LRRC63: variants seen among roughly 807,000 people sequenced by gnomAD.
LRRC63 encodes leucine-rich repeat-containing protein 63.
Under a neutral mutation model 49.5 loss-of-function variants are expected in LRRC63, and 40 were observed. The observed-to-expected ratio is 0.81, with a 90% CI of 0.63 to 1.05. The LOEUF (loss-of-function observed/expected upper bound fraction) is 1.05. Among genes scored for constraint, LRRC63 ranks in the 50% least tolerant of loss-of-function variants. LRRC63 has a pLI of 0.00. For missense variants in LRRC63, 636 were observed against 663.1 expected, an observed-to-expected ratio of 0.96 and a Z score of 0.45; for synonymous variants, 191 against 221.1, an observed-to-expected ratio of 0.86 and a Z score of 1.21.
At chr13:46,251,177 T>C (rs2047369371) in intron 7 of LRRC63, among the ~76,000 whole-genome samples, 1 of 151,846 alleles carries the variant, frequency 6.6e-6, no homozygotes, top group African/African-American at 2.4e-5. Context: ...CTTTGCAAAA[T>C]AAGAGTCTTA....
intron 7 of LRRC63, among the ~76,000 whole-genome samples, chr13:46,250,859 G>A (rs111312906): frequency 6.6e-6 from 1 of 151,804 alleles, no homozygotes; most frequent in African/African-American, 2.4e-5. Context: ...TAAAGTTGAT[G>A]ATAATTATAT....
At chr13:46,230,018 C>T (rs2046699291) in intron 4 of LRRC63, among the ~76,000 whole-genome samples, 2 of 152,078 alleles carry the variant, frequency 1.3e-5, no homozygotes, top group African/African-American at 4.8e-5. Context: ...CTTATAAGAA[C>T]TCACTATCAT....
chr13:46,213,664 G>C (rs1322002560), intron 2 of LRRC63, among the ~76,000 whole-genome samples: 1 of 152,134 alleles, frequency 6.6e-6, no homozygotes, highest in African/African-American at 2.4e-5. Context: ...TTTCCTTCAG[G>C]TGTGAGTAGT....
In LRRC63 at chr13:46,276,733, G is replaced by A. The variant is rs1016955204; in HGVS notation, c.1694G>A (p.Ser565Asn). ...TCTTGCTATAGAAGAATAAAGGAAAGCAGTTTTGTTTTAGATGGTAGTCCT... is the reference window on the plus strand; with the variant it reads ...TCTTGCTATAGAAGAATAAAGGAAAACAGTTTTGTTTTAGATGGTAGTCCT... Residue 565 changes from serine (S) to asparagine (N), a missense_variant, in exon 10 of 10, where the codon AGC becomes AAC. Coordinates refer to ENST00000595396, the Ensembl canonical transcript of LRRC63. 7.3e-6 allele frequency: 9 copies of A among 1,228,456 alleles called. No homozygotes were observed. In the Admixed American group the frequency reaches 3.4e-4, roughly 47 times the overall value. 76.1% of individuals were successfully genotyped at this position (1,228,456 alleles called of 1,614,324 possible).
At chr13:46,225,623 A>G (rs113484336) in intron 2 of LRRC63, among the ~76,000 whole-genome samples, 2,087 of 152,350 alleles carry the variant, frequency 0.014, 20 homozygotes, top group Middle Eastern at 0.027. Flanking sequence ...TTGTTTTAAT[A>G]GAGAGAAAAT....
chr13:46,273,179 G>A (rs78439201), intron 9 of LRRC63, among the ~76,000 whole-genome samples: 1,778 of 152,236 alleles, frequency 0.012, 36 homozygotes, highest in African/African-American at 0.04. Context: ...TTTGAGAAGG[G>A]TCTTGAAGGA....
chr13:46,250,368 A>C, exon 7 of LRRC63: 2 of 1,514,150 alleles, frequency 1.3e-6, no homozygotes, highest in Non-Finnish European at 1.8e-6. Context: ...TTATGTCTTA[A>C]AAATTTACAA....
intron 9 of LRRC63, among the ~76,000 whole-genome samples, chr13:46,275,471 T>C (rs1483681296): frequency 6.6e-6 from 1 of 152,136 alleles, no homozygotes; most frequent in Non-Finnish European, 1.5e-5. Context: ...TCTGCGTCTT[T>C]ACCAGCATTT....
chr13:46,267,595 A>G (rs981023967), intron 9 of LRRC63, among the ~76,000 whole-genome samples: 3 of 152,226 alleles, frequency 2.0e-5, no homozygotes, highest in Non-Finnish European at 4.4e-5. Flanking sequence ...CCAGGAATAC[A>G]TAAATTAGAA....
At chr13:46,234,344 C>T in exon 5 of LRRC63, 1 of 1,549,534 alleles carries the variant, frequency 6.5e-7, no homozygotes, top group Non-Finnish European at 8.7e-7. Flanking sequence ...TGCACTTAAT[C>T]TGAAGGTATG....
chr13:46,253,766 A>T (rs2047442812), intron 7 of LRRC63, among the ~76,000 whole-genome samples: 1 of 152,146 alleles, frequency 6.6e-6, no homozygotes, highest in Admixed American at 6.6e-5. Flanking sequence ...TGCACTGAGA[A>T]GCCATTGCTT....
intron 5 of LRRC63, among the ~76,000 whole-genome samples, chr13:46,237,557 C>T (rs1332632123): frequency 6.6e-6 from 1 of 151,648 alleles, no homozygotes; most frequent in Non-Finnish European, 1.5e-5. Flanking sequence ...AGAGAGCAAA[C>T]TAAATCCAAA....
intron 2 of LRRC63, among the ~76,000 whole-genome samples, chr13:46,224,503 T>G (rs1038731708): frequency 6.6e-6 from 1 of 152,228 alleles, no homozygotes. Context: ...TCTAGAATTC[T>G]CTTGTATCTA....
At chr13:46,222,443 G>A (rs1159571522) in intron 2 of LRRC63, among the ~76,000 whole-genome samples, 1 of 152,164 alleles carries the variant, frequency 6.6e-6, no homozygotes, top group Non-Finnish European at 1.5e-5. Flanking sequence ...GTTGTATATG[G>A]TAAGAGATAG....
chr13:46,228,976 G>A (rs1424430510), intron 4 of LRRC63, among the ~76,000 whole-genome samples: 1 of 152,016 alleles, frequency 6.6e-6, no homozygotes, highest in African/African-American at 2.4e-5. Context: ...GGGTGGGGTG[G>A]ACAGGCATAC....
chr13:46,243,229 G>A (rs1009641684), intron 5 of LRRC63, among the ~76,000 whole-genome samples: 4 of 152,176 alleles, frequency 2.6e-5, no homozygotes, highest in African/African-American at 9.7e-5. Context: ...TGTGAGCAAA[G>A]TCAAGTTGTC....
chr13:46,247,777 A>G (rs2138511505), intron 6 of LRRC63, among the ~76,000 whole-genome samples: 1 of 152,226 alleles, frequency 6.6e-6, no homozygotes, highest in East Asian at 1.9e-4. Context: ...GAATTAGGCA[A>G]ATTGCAGTGT....
intron 5 of LRRC63, among the ~76,000 whole-genome samples, chr13:46,240,974 G>GA (rs1180089275): frequency 2.0e-4 from 31 of 152,264 alleles, no homozygotes; most frequent in African/African-American, 7.2e-4. Context: ...CACAGAACTA[G>GA]AAAAAACTAT....
At chr13:46,262,998 T>C (rs2138575565) in intron 8 of LRRC63, among the ~76,000 whole-genome samples, 1 of 152,334 alleles carries the variant, frequency 6.6e-6, no homozygotes, top group African/African-American at 2.4e-5. Flanking sequence ...TTATTTAATT[T>C]CCTATGTGAC....
Sources: gnomAD v4.1 joint callset for allele counts (sites outside exome capture counted in the v4.1 genomes callset) on GRCh38, gnomAD v4.1.1 for gene constraint, MANE v1.5 for transcripts, NCBI Gene and HGNC (gene_info 2026-07-23, HGNC 2026-07-21) for gene names.